The following RAB40C variants were observed in gnomAD, a reference collection of about 807,000 sequenced individuals.
RAB40C encodes the protein ras-related protein Rab-40C.
In RAB40C, 8 loss-of-function variants were observed where a neutral mutation model predicts 28.1. That is an observed-to-expected ratio of 0.28 (90% CI 0.17 to 0.51). The LOEUF (loss-of-function observed/expected upper bound fraction) is 0.51, where lower values mean the gene tolerates loss of function less well. Ranked by LOEUF, RAB40C falls within the 20% of genes least tolerant of loss-of-function variation. The probability of loss-of-function intolerance (pLI) is 0.97; values close to 1 mark genes in which losing one functional copy is unlikely to be tolerated. For missense variants in RAB40C, 288 were observed against 405.9 expected (o/e 0.71, Z 2.50); for synonymous variants, 201 against 171.7 (o/e 1.17, Z -1.34).
chr16:625,572 G>A (rs747293285), intron 4 of RAB40C, 63 bp downstream of exon 4: 213 of 1,527,472 alleles, frequency 1.4e-4, no homozygotes, highest in Non-Finnish European at 1.7e-4. Flanking sequence ...CCTGGGCCCC[G>A]GGTAGGCTCT....
At chr16:607,821 A>G (rs1199469271) in intron 1 of RAB40C, among the ~76,000 whole-genome samples, 1 of 152,230 alleles carries the variant, frequency 6.6e-6, no homozygotes, top group Non-Finnish European at 1.5e-5. Context: ...AGAAAGTCGC[A>G]TCTGGTAAAG....
At chr16:603,564 C>G (rs1016891348) in intron 1 of RAB40C, among the ~76,000 whole-genome samples, 5 of 152,194 alleles carry the variant, frequency 3.3e-5, no homozygotes, top group Non-Finnish European at 7.3e-5. Flanking sequence ...ATCCTTAGAC[C>G]TCCAAATTCA....
intron 3 of RAB40C, among the ~76,000 whole-genome samples, chr16:622,470 A>AGC (rs200405053): frequency 6.6e-6 from 1 of 152,160 alleles, no homozygotes; most frequent in Non-Finnish European, 1.5e-5. Flanking sequence ...GAGCAGGGCG[A>AGC]GCGCGCGTCC....
At chr16:599,362 T>G (rs1212832160) in intron 1 of RAB40C, among the ~76,000 whole-genome samples, 1 of 152,208 alleles carries the variant, frequency 6.6e-6, no homozygotes, top group Non-Finnish European at 1.5e-5. Context: ...CGCAGAGTCT[T>G]GCGCCCACCT....
chr16:614,340 C>T (rs1462895546), intron 1 of RAB40C, among the ~76,000 whole-genome samples: 9 of 113,374 alleles, frequency 7.9e-5, no homozygotes, highest in East Asian at 2.2e-4. Context: ...CTAACTCTGC[C>T]GCATCCCGAT....
At chr16:605,648 CG>C (rs1376249787) in intron 1 of RAB40C, among the ~76,000 whole-genome samples, 4 of 152,218 alleles carry the variant, frequency 2.6e-5, no homozygotes, top group African/African-American at 9.6e-5. Context: ...TCCTTCCCCG[CG>C]CCGAGTGGTC....
Position 627,885 on chromosome 16 carries a change from G to T in RAB40C, c.*263G>T. On this transcript the variant is annotated 3_prime_UTR_variant, in exon 6 of 6. Coordinates refer to ENST00000248139, the MANE Select transcript of RAB40C (RefSeq NM_021168.5). Reference sequence around the variant, plus strand: ...AAGCCGGGCCTCCCCAGCTGCCTGGGCTTGACCGGCGGGGAGCCTGGTTGG... The same window carrying T: ...AAGCCGGGCCTCCCCAGCTGCCTGGTCTTGACCGGCGGGGAGCCTGGTTGG... 2.2e-6 allele frequency: 1 copy of T among 446,604 alleles called. No individual in the cohort carries two copies. The highest frequency in any genetic ancestry group is 3.9e-6 in the Non-Finnish European group (1 of 255,428). The allele number at this position is 446,604 out of a possible 1,614,324, so 27.7% of individuals were successfully genotyped here.
At chr16:594,211 T>C (rs2036064563) in intron 1 of RAB40C, among the ~76,000 whole-genome samples, 1 of 152,196 alleles carries the variant, frequency 6.6e-6, no homozygotes, top group African/African-American at 2.4e-5. Flanking sequence ...TGTGCCCGGG[T>C]CCTGGAAGAC....
intron 5 of RAB40C, 43 bp downstream of exon 5, chr16:626,164 G>A: frequency 1.3e-6 from 2 of 1,559,610 alleles, no homozygotes; most frequent in East Asian, 4.5e-5. Context: ...CCCCGAACCT[G>A]GGCTGCCCTG....
intron 3 of RAB40C, among the ~76,000 whole-genome samples, chr16:618,508 G>A (rs546233020): frequency 6.6e-6 from 1 of 152,382 alleles, no homozygotes; most frequent in Non-Finnish European, 1.5e-5. Flanking sequence ...TCCTGCCTCA[G>A]CCTCCCCAGT....
At chr16:613,574 C>A (rs933305831) in intron 1 of RAB40C, among the ~76,000 whole-genome samples, 1 of 152,256 alleles carries the variant, frequency 6.6e-6, no homozygotes, top group African/African-American at 2.4e-5. Context: ...GGATGGGTTT[C>A]TCTGCTGAAC....
chr16:594,653 A>T (rs1596396536), intron 1 of RAB40C, among the ~76,000 whole-genome samples: 1 of 151,960 alleles, frequency 6.6e-6, no homozygotes, highest in East Asian at 1.9e-4. Context: ...GCTTATCCCC[A>T]GGGCTAGCTG....
At chr16:622,544 T>G (rs1284254351) in intron 3 of RAB40C, among the ~76,000 whole-genome samples, 3 of 152,360 alleles carry the variant, frequency 2.0e-5, no homozygotes, top group Non-Finnish European at 4.4e-5. Flanking sequence ...GGTCTGGCTC[T>G]GTCGCCAGGC....
At position 590,261 on chromosome 16, in the gene RAB40C, G is replaced by C; in HGVS notation, c.-31G>C. 12 of 1,437,076 alleles carry C rather than the reference G, an allele frequency of 8.4e-6. No homozygotes were observed. Among genetic ancestry groups the C allele is most frequent in the Non-Finnish European group, 1.1e-5 (12 of 1,092,272 alleles). 89.0% of individuals were successfully genotyped at this position (1,437,076 alleles called of 1,614,324 possible). A position where few individuals can be genotyped will look rare whatever the true frequency, so the allele number is the denominator to read the frequency against. ...GCCTCACCCGGCGGTGCTTCGGCAG[G>C]CGGCCGGCGCGGGGCGCAGGCGGCG... is the stretch of plus-strand genomic sequence containing the variant. On this transcript the variant is annotated 5_prime_UTR_variant, in exon 1 of 6. Transcript: ENST00000248139.
Position 625,959 on chromosome 16 carries a change from C to T in RAB40C, c.403C>T (p.Gln135Ter), listed in dbSNP as rs1257435947. 1 of 1,613,040 alleles carries T rather than the reference C, an allele frequency of 6.2e-7. No homozygotes were observed. Among genetic ancestry groups the T allele is most frequent in the Non-Finnish European group, 8.5e-7 (1 of 1,179,956 alleles). The change falls in exon 5 of 6, where the codon CAG becomes TAG. Residue 135 changes from glutamine to a stop codon, truncating the protein, a stop_gained. Coordinates refer to ENST00000248139, the MANE Select transcript of RAB40C (RefSeq NM_021168.5). LOFTEE classifies it high-confidence loss of function. ...CCGGCTGCACCTGGCCTTCAAGCGG[C>T]AGGTCCCGACGGAGCAGGCCCGCGC... ...GNRLHLAFKR[Q>*]VPTEQARAYA...
chr16:593,771 T>C (rs539869468), intron 1 of RAB40C, among the ~76,000 whole-genome samples: 1 of 152,320 alleles, frequency 6.6e-6, no homozygotes, highest in South Asian at 2.1e-4. Flanking sequence ...TGCGCTGGGT[T>C]TCTGGATCTC....
intron 1 of RAB40C, among the ~76,000 whole-genome samples, chr16:599,486 C>T (rs935392400): frequency 2.0e-5 from 3 of 152,256 alleles, no homozygotes; most frequent in African/African-American, 7.2e-5. Context: ...CCTCCGTGTG[C>T]GCTGCTGCCA....
At chr16:616,466 G>A (rs1279120083) in intron 1 of RAB40C, among the ~76,000 whole-genome samples, 1 of 151,772 alleles carries the variant, frequency 6.6e-6, no homozygotes, top group Non-Finnish European at 1.5e-5. Context: ...AGCCTCCCGA[G>A]TAGCTGGGAT....
chr16:599,477 C>T (rs573387003), intron 1 of RAB40C, among the ~76,000 whole-genome samples: 1 of 152,388 alleles, frequency 6.6e-6, no homozygotes, highest in African/African-American at 2.4e-5. Context: ...GCCGTGCCTC[C>T]TCCGTGTGCG....
Sources: allele counts gnomAD v4.1 joint callset (sites outside exome capture counted in the v4.1 genomes callset), GRCh38; gene constraint gnomAD v4.1.1; transcripts MANE v1.5; gene names NCBI Gene and HGNC (gene_info 2026-07-23, HGNC 2026-07-21).